The following GRM6 variants were observed in gnomAD, a reference collection of about 807,000 sequenced individuals.
The protein encoded by GRM6 is metabotropic glutamate receptor 6.
In GRM6, 73 loss-of-function variants were observed where a neutral mutation model predicts 78.4. That is an observed-to-expected ratio of 0.93 (90% CI 0.77 to 1.13). GRM6 has a LOEUF of 1.13. Ranked by LOEUF, GRM6 falls within the 50% of genes most tolerant of loss-of-function variation. The pLI is 0.00. For missense variants in GRM6, 1,251 were observed against 1,256.4 expected (o/e 1.00, Z 0.07); for synonymous variants, 580 against 555.0 (o/e 1.05, Z -0.63).
At chr5:178,993,711 C>T (rs1760723366) in intron 2 of GRM6, among the ~76,000 whole-genome samples, 1 of 152,118 alleles carries the variant, frequency 6.6e-6, no homozygotes. Flanking sequence ...AACTTGTATG[C>T]CAAAGCCCTC....
Position 178,994,856 on chromosome 5 carries a change from G to T in GRM6, c.89C>A (p.Ala30Glu). The T allele has an allele frequency of 8.3e-7, 1 of 1,208,988 alleles. No homozygotes were observed. Among genetic ancestry groups the T allele is most frequent in the Non-Finnish European group, 1.0e-6 (1 of 972,928 alleles). 74.9% of individuals were successfully genotyped at this position (1,208,988 alleles called of 1,614,324 possible). The change falls in exon 2 of 11, where the codon GCG (alanine) becomes GAG (glutamate). Residue 30 changes from alanine to glutamate, a missense_variant. Transcript: ENST00000517717. ...GCCGCCCGCCAGGCGCACAGAGCCC[G>T]CCGCGCGCGCCAGGCCCGCCTGCGC... ...WLAQAGLARA[A>E]GSVRLAGGLT...
chr5:178,991,555 C>A lies in GRM6; in HGVS notation c.726G>T (p.Gly242=), dbSNP rs564369800. The change falls in exon 4 of 11, where the codon GGG becomes GGT. Residue 242 remains glycine (G), a synonymous_variant. Coordinates refer to ENST00000517717, the MANE Select transcript of GRM6 (RefSeq NM_000843.4). This position sits in a 1 kb window ranked among gnomAD's most constrained non-coding sequence, Gnocchi z 5.0. ...TCTTGATAGACTGGGCAATACAGACCCCCCCTGGGCGTTGGGGGTGCCAGA... is the reference window on the plus strand; with the variant it reads ...TCTTGATAGACTGGGCAATACAGACACCCCCTGGGCGTTGGGGGTGCCAGA... The part of the protein sequence containing the change: ...AFVQISREAG[G]VCIAQSIKIP... 5.0e-6 allele frequency: 8 copies of A among 1,613,700 alleles called. No individual in the cohort carries two copies. The highest frequency in any genetic ancestry group is 3.3e-4 in the Middle Eastern group (2 of 6,060).
intron 6 of GRM6, 48 bp downstream of exon 6, chr5:178,989,217 A>AACCC: frequency 1.0e-6 from 1 of 954,814 alleles, no homozygotes; most frequent in Non-Finnish European, 1.5e-6. Flanking sequence ...CCCCACCCTC[A>AACCC]CCACCCTCCC....
chr5:178,981,857 A>T lies in GRM6; in HGVS notation c.2437-3T>A. 6.3e-7 allele frequency: 1 copy of T among 1,597,270 alleles called. No homozygotes were observed. The highest frequency in any genetic ancestry group is 1.7e-4 in the Middle Eastern group (1 of 6,030). ...AGCGTGGTTGTCTGGATGTAGATCT[A>T]GGCCATGGAAGAGGGGACCAGATGG... On this transcript the variant is annotated splice_region_variant and splice_polypyrimidine_tract_variant and intron_variant, in intron 10 of 10. Transcript: ENST00000517717. The surrounding 1 kb of genome is among the most constrained non-coding windows in gnomAD (Gnocchi z 5.1).
intron 9 of GRM6, 63 bp from the exon 10 acceptor site, chr5:178,983,284 A>G: frequency 7.0e-7 from 1 of 1,431,364 alleles, no homozygotes; most frequent in Non-Finnish European, 9.8e-7. Flanking sequence ...TCCAGCCCTG[A>G]CAGAGGCCCC....
intron 9 of GRM6, 84 bp downstream of exon 9, chr5:178,986,046 G>A (rs938032058): frequency 1.6e-6 from 2 of 1,279,380 alleles, no homozygotes; most frequent in Non-Finnish European, 2.2e-6. Context: ...ACAGGCGTGT[G>A]CCACTGTGCC....
intron 9 of GRM6, chr5:178,983,623 C>G (rs563385302): frequency 8.0e-6 from 3 of 374,768 alleles, no homozygotes; most frequent in South Asian, 6.0e-5. Flanking sequence ...CTCGCATCGC[C>G]TCTCTAGCCT....
rs1760454408 is a variant in GRM6 at position 178,983,779 on chromosome 5, C to T, written c.2125-558G>A. On this transcript the variant is annotated intron_variant, in intron 9 of 10. Coordinates refer to ENST00000517717, the MANE Select transcript of GRM6 (RefSeq NM_000843.4). The stretch of plus-strand genomic sequence containing the variant: ...CCTCACAGGGAGGAGATGGAGTTAC[C>T]ACTCCCTCACATGACAGGAAGCACA... Among the ~76,000 whole-genome samples, 3 of 152,174 alleles carry T rather than the reference C, an allele frequency of 2.0e-5. No homozygotes were observed. The South Asian group carries it at 6.2e-4, about 32-fold the overall frequency.
In GRM6 at chr5:178,991,560, C is replaced by T. The variant is rs766594761; in HGVS notation, c.722-1G>A. 1.9e-6 allele frequency: 3 copies of T among 1,613,776 alleles called. No homozygotes were observed. The highest frequency in any genetic ancestry group is 2.7e-5 in the African/African-American group (2 of 74,898). ...ATAGACTGGGCAATACAGACCCCCC[C>T]TGGGCGTTGGGGGTGCCAGAGTCAG... On this transcript the variant is annotated splice_acceptor_variant, in intron 3 of 10. Transcript: ENST00000517717. LOFTEE classifies it high-confidence loss of function. This position sits in a 1 kb window ranked among gnomAD's most constrained non-coding sequence, Gnocchi z 5.0.
intron 2 of GRM6, 85 bp downstream of exon 2, chr5:178,994,356 G>T (rs1398013245): frequency 1.5e-5 from 18 of 1,172,390 alleles, no homozygotes; most frequent in Admixed American, 3.4e-5. Flanking sequence ...TCTTTCAGAA[G>T]AAGTAAAGGA....
Position 178,986,355 on chromosome 5 carries a change from G to A in GRM6, c.1899C>T (p.Leu633=), listed in dbSNP as rs1407039523. 2.5e-6 allele frequency: 4 copies of A among 1,614,042 alleles called. No individual in the cohort carries two copies. Among genetic ancestry groups the A allele is most frequent in the Non-Finnish European group, 3.4e-6 (4 of 1,180,048 alleles). The change falls in exon 9 of 11, where the codon CTC becomes CTT. Residue 633 remains leucine (L), a synonymous_variant. Transcript: ENST00000517717. The stretch of plus-strand genomic sequence containing the variant: ...CCATGAGGAAGGTGATGGCGTAGAT[G>A]AGGAAGATGCCGGTGAGGAGGACGT... ...LSYVLLTGIF[L]IYAITFLMVA...
Position 178,979,069 on chromosome 5 carries a change from T to A in GRM6, c.*2588A>T, listed in dbSNP as rs1333055743. The stretch of plus-strand genomic sequence containing the variant: ...AAGTTCGAGACCAGCCTGGGCAACA[T>A]AGTGAGACCTCGTCTCTACAAAAAA... On this transcript the variant is annotated 3_prime_UTR_variant, in exon 11 of 11. Transcript: ENST00000517717. The A allele has an allele frequency of 6.6e-6, 1 of 152,226 alleles. No homozygotes were observed. The highest frequency in any genetic ancestry group is 2.4e-5 in the African/African-American group (1 of 41,382). The allele number at this position is 152,226 out of a possible 1,614,324, so 9.4% of individuals were successfully genotyped here.
rs1760569068 is a variant in GRM6 at position 178,986,766 on chromosome 5, A to T, written c.1501-13T>A. ...GCAGGGCCTCCACCTGGGACGCACA[A>T]AACACAGGCTGGGGCGTCTGCCTCC... is the stretch of plus-strand genomic sequence containing the variant. On this transcript the variant is annotated splice_polypyrimidine_tract_variant and intron_variant, in intron 8 of 10. Transcript: ENST00000517717. 1 of 1,609,810 alleles carries T rather than the reference A, an allele frequency of 6.2e-7. No individual in the cohort carries two copies. Among genetic ancestry groups the T allele is most frequent in the African/African-American group, 1.3e-5 (1 of 74,934 alleles).
chr5:178,993,150 T>C (rs1162605960), intron 2 of GRM6, among the ~76,000 whole-genome samples: 3 of 152,206 alleles, frequency 2.0e-5, no homozygotes, highest in Admixed American at 6.5e-5. Context: ...GCATCTTGCC[T>C]GTGGCTGTGT....
In GRM6 at chr5:178,988,811, G is replaced by C. The variant is rs1176997192; in HGVS notation, c.1354+124C>G. On this transcript the variant is annotated intron_variant, in intron 7 of 10. Coordinates refer to ENST00000517717, the MANE Select transcript of GRM6 (RefSeq NM_000843.4). The surrounding 1 kb of genome is among the most constrained non-coding windows in gnomAD (Gnocchi z 6.0). ...CTCATGTCTTTGGCACTCAGCCCCA[G>C]GCACCCCCATTAGACCACTCAGCCT... The C allele has an allele frequency of 1.3e-6, 1 of 744,828 alleles. No homozygotes were observed. The highest frequency in any genetic ancestry group is 2.3e-6 in the Non-Finnish European group (1 of 431,738). 46.1% of individuals were successfully genotyped at this position (744,828 alleles called of 1,614,324 possible). A position where few individuals can be genotyped will look rare whatever the true frequency, so the allele number is the denominator to read the frequency against.
intron 9 of GRM6, chr5:178,985,685 A>G (rs1426098252): frequency 4.7e-5 from 19 of 402,262 alleles, no homozygotes; most frequent in Admixed American, 9.4e-5. Flanking sequence ...CCTGGGCGAC[A>G]CAGCGAGACT....
At chr5:178,983,491 G>A (rs1022490032) in intron 9 of GRM6, 1 of 656,124 alleles carries the variant, frequency 1.5e-6, no homozygotes, top group Non-Finnish European at 2.8e-6. Context: ...GGCAACATCA[G>A]TGCAGTGTGC....
intron 9 of GRM6, chr5:178,985,403 TTA>T: frequency 3.1e-6 from 1 of 318,120 alleles, no homozygotes; most frequent in Non-Finnish European, 6.0e-6. Flanking sequence ...TCCTGTGGCC[TTA>T]AAAAAAAAAA....
At chr5:178,985,358 C>G in intron 9 of GRM6, 1 of 416,676 alleles carries the variant, frequency 2.4e-6, no homozygotes, top group East Asian at 7.7e-5. Flanking sequence ...GCGGCCCTAA[C>G]TGAGCTGCTG....
Sources: gnomAD v4.1 joint callset for allele counts (sites outside exome capture counted in the v4.1 genomes callset) on GRCh38, gnomAD v4.1.1 for gene constraint, Gnocchi (gnomAD v3.1) non-coding constraint, MANE v1.5 for transcripts, NCBI Gene and HGNC (gene_info 2026-07-23, HGNC 2026-07-21) for gene names.